Variants in NTM observed in about 807,000 individuals in gnomAD.
The protein encoded by NTM is IgLON family member 2.
Under a neutral mutation model 42.1 loss-of-function variants are expected in NTM, and 13 were observed. The observed-to-expected ratio is 0.31, with a 90% CI of 0.20 to 0.49. NTM has a LOEUF of 0.49. NTM is among the 20% of genes least tolerant of loss of function. The pLI is 0.99. For synonymous variants in NTM, 187 were observed against 179.2 expected, an observed-to-expected ratio of 1.04 and a Z score of -0.35; for missense variants, 373 against 452.8, an observed-to-expected ratio of 0.82 and a Z score of 1.60.
At position 131,605,678 on chromosome 11, in the gene NTM, T is replaced by C. The variant is rs113631646; in HGVS notation, c.82+234790T>C. The C allele has an allele frequency of 3.8e-4, 167 of 443,590 alleles. 2 individuals are homozygous for C. Among genetic ancestry groups the C allele is most frequent in the African/African-American group, 3.4e-3 (158 of 46,878 alleles). 27.5% of individuals were successfully genotyped at this position (443,590 alleles called of 1,614,324 possible). On this transcript the variant is annotated intron_variant, in intron 1 of 8. Coordinates refer to ENST00000683400, the MANE Select transcript of NTM (RefSeq NM_001352005.2). The stretch of plus-strand genomic sequence containing the variant: ...AGTATGATGTTAACCCTGGGTGGTT[T>C]GTATGTGCCCTTTATCAGGGTGAGG...
At position 131,671,818 on chromosome 11, in the gene NTM, G is replaced by T. The variant is rs76687100; in HGVS notation, c.83-239746G>T. On this transcript the variant is annotated intron_variant, in intron 1 of 8. Transcript: ENST00000683400. ...AGTAATGACCTGGACGCTGGTGGAG[G>T]CAATGATATTTGTTGGTTTGAGAGC... 5.3e-5 allele frequency among the ~76,000 whole-genome samples: 8 copies of T among 152,160 alleles called. No homozygotes were observed. In the East Asian group the frequency reaches 1.5e-3, roughly 29 times the overall value.
intron 2 of NTM, among the ~76,000 whole-genome samples, chr11:131,972,041 T>TAAAAAAAA (rs1565855593): frequency 1.2e-4 from 2 of 17,048 alleles, no homozygotes; most frequent in Non-Finnish European, 2.3e-4. Flanking sequence ...AGACTCCGTC[T>TAAAAAAAA]CAAAAAAAAA....
At chr11:132,073,033 C>CA (rs2057906199) in intron 2 of NTM, among the ~76,000 whole-genome samples, 1 of 152,162 alleles carries the variant, frequency 6.6e-6, no homozygotes, top group South Asian at 2.1e-4. Context: ...TCCATTTGCA[C>CA]ACAGCCTGCA....
chr11:132,095,629 G>A (rs1363066751), intron 2 of NTM, among the ~76,000 whole-genome samples: 1 of 152,144 alleles, frequency 6.6e-6, no homozygotes, highest in Non-Finnish European at 1.5e-5. Context: ...TTCAGTAGTC[G>A]GCATGCATGT....
At chr11:131,955,184 C>T (rs763640959) in intron 2 of NTM, among the ~76,000 whole-genome samples, 7 of 152,156 alleles carry the variant, frequency 4.6e-5, no homozygotes, top group South Asian at 2.1e-4. Context: ...AGCCTCAGCC[C>T]GCTTGGTTCT....
At chr11:131,858,138 C>T (rs2046287325) in intron 1 of NTM, among the ~76,000 whole-genome samples, 1 of 152,092 alleles carries the variant, frequency 6.6e-6, no homozygotes, top group Admixed American at 6.6e-5. Context: ...TCTGTACATG[C>T]TATTGTGTTT....
At chr11:131,776,964 A>T (rs114377169) in intron 1 of NTM, 340 of 164,482 alleles carry the variant, frequency 2.1e-3, no homozygotes, top group African/African-American at 5.8e-3. Context: ...TATAAGAGAC[A>T]GGTGAAGTTG....
intron 3 of NTM, among the ~76,000 whole-genome samples, chr11:132,167,020 A>ATGC (rs2075379986): frequency 6.6e-6 from 1 of 152,166 alleles, no homozygotes; most frequent in Non-Finnish European, 1.5e-5. Flanking sequence ...TCCTCCTCTC[A>ATGC]CTTCCATCAT....
chr11:131,812,765 G>T (rs1440422155), intron 1 of NTM, among the ~76,000 whole-genome samples: 1 of 152,162 alleles, frequency 6.6e-6, no homozygotes. Flanking sequence ...AAGCAAGGGA[G>T]GCCGAAGTGG....
At chr11:132,209,738 C>A (rs2082542773) in intron 3 of NTM, among the ~76,000 whole-genome samples, 1 of 152,166 alleles carries the variant, frequency 6.6e-6, no homozygotes, top group Admixed American at 6.5e-5. Context: ...GGTGGTAATT[C>A]TCTCAGGCCT....
At chr11:132,282,848 T>C (rs1285369468) in intron 4 of NTM, among the ~76,000 whole-genome samples, 1 of 152,148 alleles carries the variant, frequency 6.6e-6, no homozygotes, top group African/African-American at 2.4e-5. Context: ...CCAAGTGATA[T>C]GTGTGTTTAT....
chr11:131,885,849 A>T (rs1229477221), intron 1 of NTM, among the ~76,000 whole-genome samples: 2 of 152,222 alleles, frequency 1.3e-5, no homozygotes, highest in Admixed American at 6.5e-5. Flanking sequence ...AAGGCTGCAC[A>T]TGGTGGCCAC....
At chr11:131,702,446 G>A (rs1426996559) in intron 1 of NTM, among the ~76,000 whole-genome samples, 1 of 152,126 alleles carries the variant, frequency 6.6e-6, no homozygotes, top group African/African-American at 2.4e-5. Flanking sequence ...TACAGATTTG[G>A]AGAGACCCAG....
At chr11:132,194,518 C>T (rs1047143364) in intron 3 of NTM, among the ~76,000 whole-genome samples, 14 of 152,012 alleles carry the variant, frequency 9.2e-5, no homozygotes, top group African/African-American at 2.7e-4. Flanking sequence ...TAATACTGAA[C>T]GGACAAAAGC....
Position 131,438,043 on chromosome 11 carries a change from C to T in NTM, c.82+67155C>T, listed in dbSNP as rs549730954. On this transcript the variant is annotated intron_variant, in intron 1 of 8. Coordinates refer to ENST00000683400, the MANE Select transcript of NTM (RefSeq NM_001352005.2). ...TTTTATTTCTCCTTCACTTATGAAG[C>T]TTAGTTTGGCTGGATATGAAATTGT... Among the ~76,000 whole-genome samples, 139 of 152,292 alleles carry T rather than the reference C, an allele frequency of 9.1e-4. 1 individual carries two copies. Among genetic ancestry groups the T allele is most frequent in the African/African-American group, 3.2e-3 (131 of 41,558 alleles).
In NTM at chr11:132,169,320, C is replaced by CTTT. The variant is rs567723794; in HGVS notation, c.400+22836_400+22838dup. On this transcript the variant is annotated intron_variant, in intron 3 of 8. Coordinates refer to ENST00000683400, the MANE Select transcript of NTM (RefSeq NM_001352005.2). ...GTGATATCTAGGTTTAATTTTTTTA[C>CTTT]TTTTTTTTTTTTTTTTTTTTTTTTT... Among the ~76,000 whole-genome samples the CTTT allele has an allele frequency of 2.8e-3, 92 of 32,372 alleles. 19 individuals are homozygous for CTTT. The highest frequency in any genetic ancestry group is 8.2e-3 in the African/African-American group (71 of 8,672). 21.2% of individuals were successfully genotyped at this position (32,372 alleles called of 152,430 possible).
intron 1 of NTM, among the ~76,000 whole-genome samples, chr11:131,381,704 G>A (rs1942704013): frequency 6.6e-6 from 1 of 152,184 alleles, no homozygotes; most frequent in Non-Finnish European, 1.5e-5. Flanking sequence ...TCTGAACTGT[G>A]TTGATTAATT....
At chr11:131,868,832 G>C (rs1190182175) in intron 1 of NTM, among the ~76,000 whole-genome samples, 1 of 152,048 alleles carries the variant, frequency 6.6e-6, no homozygotes, top group Non-Finnish European at 1.5e-5. Context: ...ACTTCCTCTT[G>C]ACCCCTCTGC....
intron 1 of NTM, among the ~76,000 whole-genome samples, chr11:131,847,874 C>A (rs2045098670): frequency 1.3e-5 from 2 of 152,166 alleles, no homozygotes; most frequent in Non-Finnish European, 2.9e-5. Flanking sequence ...GTCAATACTT[C>A]AAATATTTTA....
Sources: gnomAD v4.1 joint callset for allele counts (sites outside exome capture counted in the v4.1 genomes callset) on GRCh38, gnomAD v4.1.1 for gene constraint, MANE v1.5 for transcripts, NCBI Gene and HGNC (gene_info 2026-07-23, HGNC 2026-07-21) for gene names.